The following GAP43 variants were observed in gnomAD, a reference collection of about 807,000 sequenced individuals.
The protein encoded by GAP43 is growth associated protein 43.
GAP43 carries 6 observed loss-of-function variants against 18.6 expected under a neutral mutation model. The observed-to-expected ratio is 0.32, with a 90% CI of 0.18 to 0.64. GAP43 has a LOEUF of 0.64. Among genes scored for constraint, GAP43 ranks in the 30% least tolerant of loss-of-function variants. GAP43 has a pLI of 0.78. For synonymous variants in GAP43, 115 were observed against 111.4 expected (o/e 1.03, Z -0.20); for missense variants, 292 against 295.5 (o/e 0.99, Z 0.09).
intron 1 of GAP43, among the ~76,000 whole-genome samples, chr3:115,640,918 T>C (rs1458668506): frequency 1.4e-5 from 2 of 144,916 alleles, no homozygotes; most frequent in African/African-American, 4.9e-5. Flanking sequence ...TTTTTCTTTC[T>C]TTCCTTCTTT....
rs373980137 is a variant in GAP43 at position 115,623,674 on chromosome 3, A to G, written c.-16A>G. 83 of 1,614,016 alleles carry G rather than the reference A, an allele frequency of 5.1e-5. No individual in the cohort carries two copies. The highest frequency in any genetic ancestry group is 1.7e-4 in the Admixed American group (10 of 60,002). On this transcript the variant is annotated 5_prime_UTR_variant, in exon 1 of 3. Coordinates refer to ENST00000305124, the MANE Select transcript of GAP43 (RefSeq NM_002045.4). The stretch of plus-strand genomic sequence containing the variant: ...AAAGGAGAGAAGGCAGGAAGAAGGC[A>G]AGGGACGAGACAACCATGCTGTGCT...
chr3:115,696,384 C>T (rs931196338), intron 2 of GAP43, among the ~76,000 whole-genome samples: 4 of 152,004 alleles, frequency 2.6e-5, no homozygotes, highest in African/African-American at 7.3e-5. Context: ...CCACCTTCAA[C>T]ATATATCCAG....
intron 1 of GAP43, among the ~76,000 whole-genome samples, chr3:115,652,713 T>C (rs1175115838): frequency 1.3e-5 from 2 of 152,154 alleles, no homozygotes; most frequent in African/African-American, 2.4e-5. Flanking sequence ...TAAATGATTT[T>C]TATTAAGACG....
At chr3:115,661,406 T>C (rs1708657368) in intron 1 of GAP43, 1 of 152,316 alleles carries the variant, frequency 6.6e-6, no homozygotes, top group Non-Finnish European at 1.5e-5. Flanking sequence ...CAAACTTCAG[T>C]GTCACCCAAA....
intron 2 of GAP43, among the ~76,000 whole-genome samples, chr3:115,720,068 G>A (rs1398660569): frequency 6.6e-6 from 1 of 152,170 alleles, no homozygotes; most frequent in Non-Finnish European, 1.5e-5. Context: ...ATATTACAAT[G>A]CTTTAAAGAG....
At chr3:115,703,955 T>G (rs936222870) in intron 2 of GAP43, among the ~76,000 whole-genome samples, 4 of 152,070 alleles carry the variant, frequency 2.6e-5, no homozygotes, top group African/African-American at 9.7e-5. Context: ...ACTTTTTCAA[T>G]ATAGTTCTGG....
intron 1 of GAP43, among the ~76,000 whole-genome samples, chr3:115,670,497 T>A (rs1708804226): frequency 6.6e-6 from 1 of 152,172 alleles, no homozygotes; most frequent in African/African-American, 2.4e-5. Flanking sequence ...GCTGGCCCAC[T>A]GTCTTCTCTC....
At chr3:115,658,499 C>T (rs1200064143) in intron 1 of GAP43, 1 of 152,256 alleles carries the variant, frequency 6.6e-6, no homozygotes, top group East Asian at 1.9e-4. Context: ...TTCTCCCCGG[C>T]TGCCGTCAGT....
intron 2 of GAP43, among the ~76,000 whole-genome samples, chr3:115,696,027 T>C (rs575264014): frequency 6.6e-6 from 1 of 152,220 alleles, no homozygotes; most frequent in African/African-American, 2.4e-5. Context: ...AGTTCTTGGA[T>C]GTCTTCTCCT....
chr3:115,665,395 A>G (rs1576987411), intron 1 of GAP43, among the ~76,000 whole-genome samples: 1 of 152,148 alleles, frequency 6.6e-6, no homozygotes, highest in African/African-American at 2.4e-5. Context: ...ATTTTCTATT[A>G]GTTTCCTTAA....
chr3:115,693,480 C>T (rs1321310318), intron 2 of GAP43, among the ~76,000 whole-genome samples: 1 of 146,298 alleles, frequency 6.8e-6, no homozygotes, highest in Non-Finnish European at 1.5e-5. Context: ...TTAAAAAAAT[C>T]CTGTTAAATT....
chr3:115,649,822 A>AAAAAG (rs375806733), intron 1 of GAP43, among the ~76,000 whole-genome samples: 38,517 of 136,818 alleles, frequency 0.28, 5,879 homozygotes, highest in East Asian at 0.54. Context: ...AAAAAAAAAA[A>AAAAAG]AAAGAAAGAA....
At chr3:115,645,374 T>C (rs1386913837) in intron 1 of GAP43, among the ~76,000 whole-genome samples, 3 of 152,002 alleles carry the variant, frequency 2.0e-5, no homozygotes, top group African/African-American at 7.2e-5. Flanking sequence ...CTTGAAGTAG[T>C]GAGGCCCAAC....
intron 1 of GAP43, among the ~76,000 whole-genome samples, chr3:115,675,074 G>A (rs1708863399): frequency 1.3e-5 from 2 of 151,966 alleles, no homozygotes; most frequent in Non-Finnish European, 2.9e-5. Flanking sequence ...TTTGTTTCTG[G>A]TTTGCTTGCT....
At chr3:115,648,093 G>A (rs1708479164) in intron 1 of GAP43, among the ~76,000 whole-genome samples, 1 of 152,120 alleles carries the variant, frequency 6.6e-6, no homozygotes, top group Non-Finnish European at 1.5e-5. Context: ...TGGCTAACCA[G>A]TTGTTTTGTA....
intron 1 of GAP43, 144 bp downstream of exon 1, chr3:115,623,863 T>C (rs1159863845): frequency 2.5e-6 from 2 of 809,272 alleles, no homozygotes; most frequent in East Asian, 2.4e-5. Flanking sequence ...GATGGTTGCA[T>C]CCCAGCTTTT....
intron 2 of GAP43, among the ~76,000 whole-genome samples, chr3:115,706,097 G>T (rs1041440541): frequency 6.6e-6 from 1 of 152,094 alleles, no homozygotes; most frequent in Non-Finnish European, 1.5e-5. Context: ...CCCCATCAGC[G>T]CAGTCTTCTC....
chr3:115,652,055 C>T (rs1369247286), intron 1 of GAP43, among the ~76,000 whole-genome samples: 3 of 152,104 alleles, frequency 2.0e-5, no homozygotes, highest in Admixed American at 2.0e-4. Flanking sequence ...TCATAAAAGA[C>T]ACTCAAGTGT....
chr3:115,684,603 A>T (rs2107353819), intron 2 of GAP43, among the ~76,000 whole-genome samples: 1 of 152,328 alleles, frequency 6.6e-6, no homozygotes, highest in South Asian at 2.1e-4. Flanking sequence ...CCCAAAAAGA[A>T]GTAGAGAATG....
Sources: gnomAD v4.1 joint callset for allele counts (sites outside exome capture counted in the v4.1 genomes callset) on GRCh38, gnomAD v4.1.1 for gene constraint, MANE v1.5 for transcripts, NCBI Gene and HGNC (gene_info 2026-07-23, HGNC 2026-07-21) for gene names.